DDHD1: variants seen among roughly 807,000 people sequenced by gnomAD.
The protein encoded by DDHD1 is phospholipase DDHD1.
In DDHD1, 49 loss-of-function variants were observed where a neutral mutation model predicts 96.4. The ratio of observed to expected loss-of-function variants is 0.51; its 90% CI spans 0.40 to 0.64. The LOEUF (loss-of-function observed/expected upper bound fraction) is 0.64. Ranked by LOEUF, DDHD1 falls within the 30% of genes least tolerant of loss-of-function variation. DDHD1 has a pLI of 0.00. For missense variants in DDHD1, 1,106 were observed against 1,161.2 expected (o/e 0.95, Z 0.69); for synonymous variants, 442 against 446.5 (o/e 0.99, Z 0.13).
At chr14:53,131,138 C>T (rs539298128) in intron 1 of DDHD1, among the ~76,000 whole-genome samples, 2 of 152,284 alleles carry the variant, frequency 1.3e-5, no homozygotes, top group Admixed American at 1.3e-4. Context: ...CTCACCTGCC[C>T]AGTTCCCTTA....
intron 1 of DDHD1, among the ~76,000 whole-genome samples, chr14:53,143,603 T>TA (rs1890791408): frequency 6.6e-6 from 1 of 152,154 alleles, no homozygotes; most frequent in South Asian, 2.1e-4. Context: ...TAGAACTTTT[T>TA]AAAAGAAGCA....
chr14:53,068,651 A>G (rs1056806389), intron 6 of DDHD1, among the ~76,000 whole-genome samples: 1 of 152,196 alleles, frequency 6.6e-6, no homozygotes, highest in African/African-American at 2.4e-5. Context: ...AGAATACTGT[A>G]AAGTGATGTG....
chr14:53,074,925 CTCAT>C (rs1387982206), intron 4 of DDHD1, among the ~76,000 whole-genome samples: 1 of 152,076 alleles, frequency 6.6e-6, no homozygotes, highest in Non-Finnish European at 1.5e-5. Flanking sequence ...TTCAAATTTT[CTCAT>C]TATTATTACA....
intron 1 of DDHD1, among the ~76,000 whole-genome samples, chr14:53,134,899 C>A (rs1277619466): frequency 6.6e-6 from 1 of 152,144 alleles, no homozygotes; most frequent in East Asian, 1.9e-4. Flanking sequence ...TTCTATATAA[C>A]AAATGTTCCT....
intron 10 of DDHD1, 95 bp downstream of exon 10, chr14:53,055,565 G>A: frequency 8.1e-7 from 1 of 1,235,184 alleles, no homozygotes; most frequent in Admixed American, 2.0e-5. Context: ...TTAACTGCTG[G>A]GAGTTTCCTA....
In DDHD1 at chr14:53,094,171, C is replaced by T. The variant is rs1430980103; in HGVS notation, c.1013-727G>A. 2.7e-5 allele frequency among the ~76,000 whole-genome samples: 4 copies of T among 149,084 alleles called. No individual in the cohort carries two copies. In the East Asian group the frequency reaches 7.9e-4, roughly 29 times the overall value. On this transcript the variant is annotated intron_variant, in intron 2 of 12. Transcript: ENST00000673822. Reference sequence around the variant, plus strand: ...CCGCCTGGGCTACAGAGCAAGACTCCGTCTAAAAAAAAAAAAGAAAAAAAT... The same window carrying T: ...CCGCCTGGGCTACAGAGCAAGACTCTGTCTAAAAAAAAAAAAGAAAAAAAT...
At chr14:53,091,113 A>G (rs951177467) in intron 4 of DDHD1, among the ~76,000 whole-genome samples, 3 of 152,146 alleles carry the variant, frequency 2.0e-5, no homozygotes, top group African/African-American at 7.2e-5. Flanking sequence ...TCTATAACTG[A>G]TTATATTTTT....
At chr14:53,072,005 T>C (rs946080789) in intron 6 of DDHD1, among the ~76,000 whole-genome samples, 1 of 152,136 alleles carries the variant, frequency 6.6e-6, no homozygotes, top group Non-Finnish European at 1.5e-5. Context: ...ATACTAATCA[T>C]ACCTACTTCA....
intron 1 of DDHD1, among the ~76,000 whole-genome samples, chr14:53,137,775 T>C (rs1890343436): frequency 6.6e-6 from 1 of 151,676 alleles, no homozygotes; most frequent in African/African-American, 2.4e-5. Context: ...TTGATGAAAG[T>C]GATAAACCCG....
chr14:53,146,465 CT>C (rs1348014358), intron 1 of DDHD1, among the ~76,000 whole-genome samples: 1 of 145,304 alleles, frequency 6.9e-6, no homozygotes, highest in South Asian at 2.1e-4. Context: ...GATCACACTA[CT>C]GTACTTCATC....
At chr14:53,093,546 A>G in intron 2 of DDHD1, 102 bp from the exon 3 acceptor site, 1 of 1,451,858 alleles carries the variant, frequency 6.9e-7, no homozygotes, top group Non-Finnish European at 9.2e-7. Flanking sequence ...GTTATCTAAA[A>G]AACTCAGATA....
chr14:53,129,089 G>GT (rs1482694401), intron 1 of DDHD1, among the ~76,000 whole-genome samples: 6 of 152,168 alleles, frequency 3.9e-5, no homozygotes, highest in Admixed American at 3.9e-4. Context: ...TTCAGACTCA[G>GT]CCAACCTGCA....
chr14:53,051,751 T>C, intron 12 of DDHD1, 93 bp downstream of exon 12: 3 of 1,000,182 alleles, frequency 3.0e-6, no homozygotes, highest in Non-Finnish European at 4.5e-6. Flanking sequence ...TGGGATCTCA[T>C]AGAAGAACTG....
rs1440237713 is a variant in DDHD1, at chr14:53,043,220, G to C, written c.*3548C>G. The C allele has an allele frequency of 3.3e-5, 5 of 152,186 alleles. No individual in the cohort carries two copies. Among genetic ancestry groups the C allele is most frequent in the Non-Finnish European group, 7.3e-5 (5 of 68,052 alleles). 9.4% of individuals were successfully genotyped at this position (152,186 alleles called of 1,614,324 possible). ...TCCCAATGAGAAAACAGAGAAAAAA[G>C]AGACTAAGGATGAATGTTTACATGT... On this transcript the variant is annotated 3_prime_UTR_variant, in exon 13 of 13. Coordinates refer to ENST00000673822, the MANE Select transcript of DDHD1 (RefSeq NM_001160148.2).
At chr14:53,058,369 C>A in intron 9 of DDHD1, 108 bp downstream of exon 9, 1 of 1,274,012 alleles carries the variant, frequency 7.8e-7, no homozygotes, top group Non-Finnish European at 1.1e-6. Flanking sequence ...CCCGCCTCAG[C>A]CTCCCAAAGT....
At chr14:53,075,734 T>C (rs1057354419) in intron 4 of DDHD1, among the ~76,000 whole-genome samples, 1 of 152,178 alleles carries the variant, frequency 6.6e-6, no homozygotes, top group Non-Finnish European at 1.5e-5. Flanking sequence ...GACTCTCTTG[T>C]GAAGAGCTAA....
chr14:53,127,149 T>G (rs935886505), intron 1 of DDHD1, among the ~76,000 whole-genome samples: 1 of 152,208 alleles, frequency 6.6e-6, no homozygotes. Context: ...GAAATTTATT[T>G]AGAAAATCAT....
intron 11 of DDHD1, chr14:53,054,220 A>ATAT (rs1377347401): frequency 2.1e-6 from 1 of 467,948 alleles, no homozygotes; most frequent in Admixed American, 3.5e-5. Context: ...CTAATTACTA[A>ATAT]TATTCTATTA....
Position 53,046,707 on chromosome 14 carries a change from C to A in DDHD1, c.*61G>T, listed in dbSNP as rs766054685. The A allele has an allele frequency of 2.7e-5, 31 of 1,162,690 alleles. No individual in the cohort carries two copies. The highest frequency in any genetic ancestry group is 3.3e-5 in the Non-Finnish European group (28 of 848,702). The allele number at this position is 1,162,690 out of a possible 1,614,324, so 72.0% of individuals were successfully genotyped here. Reference sequence around the variant, plus strand: ...ACCCTGAAATCTCCGTATCTTGACACACACATTTTAACGGAAAAAAAAAAA... The same window carrying A: ...ACCCTGAAATCTCCGTATCTTGACAAACACATTTTAACGGAAAAAAAAAAA... On this transcript the variant is annotated 3_prime_UTR_variant, in exon 13 of 13. Transcript: ENST00000673822.
Sources: gnomAD v4.1 joint callset for allele counts (sites outside exome capture counted in the v4.1 genomes callset) on GRCh38, gnomAD v4.1.1 for gene constraint, MANE v1.5 for transcripts, NCBI Gene and HGNC (gene_info 2026-07-23, HGNC 2026-07-21) for gene names.